INPP5F: variants seen among roughly 807,000 people sequenced by gnomAD.
INPP5F encodes phosphatidylinositide 4-phosphatase SAC2.
A neutral mutation model predicts 137.2 loss-of-function variants in INPP5F; 97 were observed. The ratio of observed to expected loss-of-function variants is 0.71; its 90% CI spans 0.60 to 0.84. The LOEUF (loss-of-function observed/expected upper bound fraction) is 0.84. INPP5F is among the 40% of genes least tolerant of loss of function. The probability of loss-of-function intolerance (pLI) is 0.00; values close to 1 mark genes in which losing one functional copy is unlikely to be tolerated. For missense variants in INPP5F, 1,271 were observed against 1,371.9 expected (o/e 0.93, Z 1.16); for synonymous variants, 504 against 476.9 (o/e 1.06, Z -0.74).
At chr10:119,822,166 G>A (rs1295014473) in intron 16 of INPP5F, among the ~76,000 whole-genome samples, 1 of 152,126 alleles carries the variant, frequency 6.6e-6, no homozygotes, top group Non-Finnish European at 1.5e-5. Context: ...GGGATTACAG[G>A]TGTGAGCCAC....
intron 2 of INPP5F, among the ~76,000 whole-genome samples, chr10:119,777,948 C>T (rs1849579111): frequency 6.6e-6 from 1 of 152,060 alleles, no homozygotes; most frequent in Non-Finnish European, 1.5e-5. Context: ...GAAAGTTGAT[C>T]AGTACTTGGG....
chr10:119,783,487 A>G (rs573560036), intron 3 of INPP5F, among the ~76,000 whole-genome samples: 1 of 152,348 alleles, frequency 6.6e-6, no homozygotes, highest in South Asian at 2.1e-4. Context: ...AATGTCACAC[A>G]TCATCCAGAA....
At chr10:119,732,036 GTTTT>G (rs57619660) in intron 1 of INPP5F, among the ~76,000 whole-genome samples, 22 of 101,594 alleles carry the variant, frequency 2.2e-4, no homozygotes, top group Middle Eastern at 4.7e-3. Flanking sequence ...AAGACAAGTG[GTTTT>G]TTTTTTTTTT....
chr10:119,810,246 C>G (rs781716518), intron 14 of INPP5F, 29 bp downstream of exon 14: 2 of 1,208,164 alleles, frequency 1.7e-6, no homozygotes, highest in South Asian at 2.5e-5. Context: ...TTTCTTTCCT[C>G]AAAATTTATG....
chr10:119,745,952 T>C (rs1006038106), intron 1 of INPP5F, among the ~76,000 whole-genome samples: 11 of 152,152 alleles, frequency 7.2e-5, no homozygotes, highest in Non-Finnish European at 1.5e-4. Flanking sequence ...TCCGCCCGCC[T>C]TGGCCTCCCA....
chr10:119,762,002 A>G (rs1202325453), intron 2 of INPP5F, among the ~76,000 whole-genome samples: 1 of 152,200 alleles, frequency 6.6e-6, no homozygotes, highest in African/African-American at 2.4e-5. Flanking sequence ...ATGCATGCTC[A>G]AGTCTCGAAG....
At chr10:119,729,110 T>C (rs1847975203) in intron 1 of INPP5F, among the ~76,000 whole-genome samples, 1 of 152,110 alleles carries the variant, frequency 6.6e-6, no homozygotes, top group East Asian at 1.9e-4. Context: ...ATTATGTTTG[T>C]TGCTCTTTTT....
intron 2 of INPP5F, among the ~76,000 whole-genome samples, chr10:119,779,741 T>C (rs1291186245): frequency 6.6e-6 from 1 of 152,186 alleles, no homozygotes; most frequent in Non-Finnish European, 1.5e-5. Flanking sequence ...CTTTCTTCAA[T>C]ACTAAATTAA....
intron 12 of INPP5F, among the ~76,000 whole-genome samples, chr10:119,806,977 A>G (rs931549987): frequency 1.4e-4 from 21 of 151,962 alleles, no homozygotes; most frequent in African/African-American, 4.8e-4. Context: ...CCAAGCAGAA[A>G]TGTGGTGTGT....
At chr10:119,755,643 C>T (rs1041270223) in intron 2 of INPP5F, among the ~76,000 whole-genome samples, 3 of 152,152 alleles carry the variant, frequency 2.0e-5, no homozygotes, top group Admixed American at 6.5e-5. Flanking sequence ...TTTCTGTTTC[C>T]TGCTGCTTGT....
chr10:119,807,374 C>T (rs772398686), intron 12 of INPP5F, among the ~76,000 whole-genome samples: 10 of 152,162 alleles, frequency 6.6e-5, no homozygotes, highest in Admixed American at 6.5e-4. Context: ...GTTTAAGCAG[C>T]CAGGTTTGAG....
chr10:119,799,359 T>C (rs1291901709), intron 9 of INPP5F: 1 of 439,058 alleles, frequency 2.3e-6, no homozygotes, highest in Non-Finnish European at 4.5e-6. Context: ...TACAAAAAGA[T>C]AGCATGTATA....
At chr10:119,803,541 GTA>G (rs1219281833) in intron 9 of INPP5F, among the ~76,000 whole-genome samples, 2 of 152,182 alleles carry the variant, frequency 1.3e-5, no homozygotes, top group Non-Finnish European at 2.9e-5. Flanking sequence ...CAGATTTAGA[GTA>G]TGTTTTGCTT....
intron 7 of INPP5F, among the ~76,000 whole-genome samples, chr10:119,797,136 G>A (rs1372135093): frequency 1.3e-5 from 2 of 152,152 alleles, no homozygotes; most frequent in African/African-American, 2.4e-5. Flanking sequence ...CATATATAGA[G>A]AGAAGGGAAA....
At chr10:119,809,492 C>T (rs1033471848) in intron 13 of INPP5F, among the ~76,000 whole-genome samples, 1 of 152,158 alleles carries the variant, frequency 6.6e-6, no homozygotes, top group Non-Finnish European at 1.5e-5. Context: ...ACTACACCTT[C>T]CTTGCCTTAA....
rs1010128249 is a variant in INPP5F, at chr10:119,748,754, G to C, written c.98-2322G>C. On this transcript the variant is annotated intron_variant, in intron 1 of 19. Transcript: ENST00000650623. The surrounding 1 kb of genome is among the most constrained non-coding windows in gnomAD (Gnocchi z 4.7). The stretch of plus-strand genomic sequence containing the variant: ...TCCATGGGAGGCCACGGACGGCCTG[G>C]AGAAAGCACCCTGAGTTCTTACTCC... Among the ~76,000 whole-genome samples, 5 of 152,180 alleles carry C rather than the reference G, an allele frequency of 3.3e-5. No homozygotes were observed. Among genetic ancestry groups the C allele is most frequent in the Non-Finnish European group, 7.4e-5 (5 of 68,026 alleles).
chr10:119,793,509 T>C (rs1201264928), intron 6 of INPP5F: 1 of 152,290 alleles, frequency 6.6e-6, no homozygotes, highest in Non-Finnish European at 1.5e-5. Context: ...AGATTAAGGC[T>C]GGGTACACTT....
chr10:119,768,705 C>G (rs188709747), intron 2 of INPP5F, among the ~76,000 whole-genome samples: 1 of 152,174 alleles, frequency 6.6e-6, no homozygotes, highest in South Asian at 2.1e-4. Context: ...GAAAGGTAAT[C>G]TTTGCCTCAG....
Position 119,726,281 on chromosome 10 carries a change from A to G in INPP5F, c.19A>G (p.Lys7Glu), listed in dbSNP as rs749061584. The G allele has an allele frequency of 4.7e-6, 7 of 1,490,118 alleles. No individual in the cohort carries two copies. Among genetic ancestry groups the G allele is most frequent in the Non-Finnish European group, 6.3e-6 (7 of 1,119,604 alleles). The allele number at this position is 1,490,118 out of a possible 1,614,324, so 92.3% of individuals were successfully genotyped here. A position where few individuals can be genotyped will look rare whatever the true frequency, so the allele number is the denominator to read the frequency against. Residue 7 changes from lysine (K) to glutamate (E), a missense_variant, in exon 1 of 20, where the codon AAG (lysine) becomes GAG (glutamate). Lys to Glu is a moderately conservative substitution (Grantham distance 56). This residue lies in a region of INPP5F where 109 missense variants were observed against 105.1 expected (regional missense o/e 1.04). Coordinates refer to ENST00000650623, the MANE Select transcript of INPP5F (RefSeq NM_014937.4). MELFQAKDHYILQQGER... is the reference protein window; with the variant it reads MELFQAEDHYILQQGER... ...GGCCAGCATGGAGCTCTTCCAAGCC[A>G]AGGACCACTACATCCTGCAGCAGGG...
Sources: allele counts gnomAD v4.1 joint callset (sites outside exome capture counted in the v4.1 genomes callset), GRCh38; gene constraint gnomAD v4.1.1; regional missense constraint gnomAD v4.1.1; non-coding constraint Gnocchi (gnomAD v3.1); transcripts MANE v1.5; gene names NCBI Gene and HGNC (gene_info 2026-07-23, HGNC 2026-07-21).